Variants in PTPRD observed in about 807,000 individuals in gnomAD.
The protein encoded by PTPRD is protein tyrosine phosphatase receptor type D.
In PTPRD, 34 loss-of-function variants were observed where a neutral mutation model predicts 214.5. The ratio of observed to expected loss-of-function variants is 0.16; its 90% CI spans 0.12 to 0.21. PTPRD has a LOEUF of 0.21. Ranked by LOEUF, PTPRD falls within the 10% of genes least tolerant of loss-of-function variation. The probability of loss-of-function intolerance (pLI) is 1.00; values close to 1 mark genes in which losing one functional copy is unlikely to be tolerated. For missense variants in PTPRD, 2,545 were observed against 2,398.7 expected (o/e 1.06, Z -1.27); for synonymous variants, 1,128 against 845.7 (o/e 1.33, Z -5.79).
intron 7 of PTPRD, among the ~76,000 whole-genome samples, chr9:9,693,452 C>T (rs1197816116): frequency 6.6e-6 from 1 of 152,060 alleles, no homozygotes; most frequent in Non-Finnish European, 1.5e-5. Flanking sequence ...TAAGTTTCCT[C>T]CCCCCGCCAT....
At chr9:10,561,301 T>A (rs2063909484) in intron 2 of PTPRD, among the ~76,000 whole-genome samples, 1 of 152,174 alleles carries the variant, frequency 6.6e-6, no homozygotes, top group African/African-American at 2.4e-5. Flanking sequence ...CCTGAAGCAC[T>A]TATTTAACAA....
chr9:9,620,896 A>G (rs889858601), intron 7 of PTPRD, among the ~76,000 whole-genome samples: 1 of 151,762 alleles, frequency 6.6e-6, no homozygotes, highest in African/African-American at 2.4e-5. Flanking sequence ...AAGCATTAGT[A>G]GGCAAGGAAA....
chr9:9,964,035 C>T (rs902496017), intron 4 of PTPRD, among the ~76,000 whole-genome samples: 1 of 101,616 alleles, frequency 9.8e-6, no homozygotes, highest in Admixed American at 1.2e-4. Flanking sequence ...GAGACACAGA[C>T]AGAGCCAGAC....
chr9:9,323,514 A>G (rs1967815298), intron 9 of PTPRD, among the ~76,000 whole-genome samples: 1 of 152,166 alleles, frequency 6.6e-6, no homozygotes, highest in Non-Finnish European at 1.5e-5. Flanking sequence ...CATTTTTAAT[A>G]GTCTATTTTC....
chr9:8,920,446 C>G (rs937532248), intron 11 of PTPRD, among the ~76,000 whole-genome samples: 1 of 152,052 alleles, frequency 6.6e-6, no homozygotes, highest in Non-Finnish European at 1.5e-5. Flanking sequence ...ATAGTTTGAT[C>G]AAAATGATTA....
chr9:9,571,372 G>A (rs1024245960), intron 8 of PTPRD, among the ~76,000 whole-genome samples: 8 of 150,880 alleles, frequency 5.3e-5, no homozygotes, highest in East Asian at 1.9e-4. Context: ...TTAATGAAGC[G>A]CATATAACAG....
At chr9:8,810,285 T>C (rs887356420) in intron 11 of PTPRD, among the ~76,000 whole-genome samples, 1 of 152,200 alleles carries the variant, frequency 6.6e-6, no homozygotes, top group South Asian at 2.1e-4. Flanking sequence ...ATAAACAACA[T>C]GCCCATTTCC....
At chr9:9,455,913 T>C (rs1025481593) in intron 8 of PTPRD, among the ~76,000 whole-genome samples, 7 of 151,608 alleles carry the variant, frequency 4.6e-5, no homozygotes, top group African/African-American at 1.5e-4. Flanking sequence ...AAGCTGAAGG[T>C]TGTTCAATAA....
At chr9:8,502,701 G>T (rs1278730297) in intron 23 of PTPRD, among the ~76,000 whole-genome samples, 1 of 151,896 alleles carries the variant, frequency 6.6e-6, no homozygotes, top group African/African-American at 2.4e-5. Context: ...TTAAAAAGCT[G>T]ATTTGGTTTT....
In PTPRD at chr9:8,566,098, A is replaced by ATGTGTGTGTG. The variant is rs1491211691; in HGVS notation, c.353-37320_353-37319insCACACACACA. ...TGAAAAGATATATACTGAATGCAAA[A>ATGTGTGTGTG]TATGTGTGTGTGTGTGTGTGTGTGT... On this transcript the variant is annotated intron_variant, in intron 14 of 45. Transcript: ENST00000381196. Among the ~76,000 whole-genome samples the ATGTGTGTGTG allele has an allele frequency of 3.2e-4, 15 of 46,230 alleles. No homozygotes were observed. In the East Asian group the frequency reaches 4.2e-3, roughly 13 times the overall value. 30.3% of individuals were successfully genotyped at this position (46,230 alleles called of 152,430 possible). A position where few individuals can be genotyped will look rare whatever the true frequency, so the allele number is the denominator to read the frequency against.
intron 6 of PTPRD, among the ~76,000 whole-genome samples, chr9:9,762,725 A>C (rs2098670024): frequency 6.6e-6 from 1 of 152,222 alleles, no homozygotes; most frequent in Non-Finnish European, 1.5e-5. Context: ...TCTTTCATGC[A>C]ACTCAGAACT....
intron 4 of PTPRD, among the ~76,000 whole-genome samples, chr9:9,942,145 A>T (rs2091622777): frequency 6.6e-6 from 1 of 152,060 alleles, no homozygotes; most frequent in African/African-American, 2.4e-5. Flanking sequence ...CCTCACCAAA[A>T]CCACATTGAT....
chr9:9,059,025 G>T (rs1393948076), intron 10 of PTPRD, among the ~76,000 whole-genome samples: 1 of 152,054 alleles, frequency 6.6e-6, no homozygotes, highest in Admixed American at 6.6e-5. Context: ...AACAGGGTAG[G>T]TCTTATACTT....
rs1318116625 is a variant in PTPRD, at chr9:9,774,753, T to C, written c.-367-7902A>G. 2.0e-5 allele frequency among the ~76,000 whole-genome samples: 3 copies of C among 152,204 alleles called. No individual in the cohort carries two copies. The East Asian group carries it at 5.8e-4, about 29-fold the overall frequency. On this transcript the variant is annotated intron_variant, in intron 5 of 45. Coordinates refer to ENST00000381196, the MANE Select transcript of PTPRD (RefSeq NM_002839.4). ...AAAAAAGATTCTAAGTAAATGCTAA[T>C]CATTACAGTGTGTCATAGCCTTAAC...
intron 21 of PTPRD, among the ~76,000 whole-genome samples, chr9:8,514,170 A>G (rs1171323118): frequency 1.3e-5 from 2 of 152,082 alleles, no homozygotes; most frequent in Non-Finnish European, 2.9e-5. Flanking sequence ...TGGTCATATA[A>G]AAAAATAAAG....
At chr9:8,467,608 ATAATG>A (rs1343360573) in intron 31 of PTPRD, among the ~76,000 whole-genome samples, 1 of 151,930 alleles carries the variant, frequency 6.6e-6, no homozygotes, top group African/African-American at 2.4e-5. Context: ...TTTTTCAACT[ATAATG>A]TAATTTACTT....
At chr9:8,520,037 A>C (rs926368951) in intron 20 of PTPRD, among the ~76,000 whole-genome samples, 4 of 152,186 alleles carry the variant, frequency 2.6e-5, no homozygotes, top group Non-Finnish European at 5.9e-5. Context: ...AAATTTGTTT[A>C]AATATTCTGA....
At chr9:8,739,061 C>T (rs10465099) in intron 11 of PTPRD, among the ~76,000 whole-genome samples, 64,080 of 152,080 alleles carry the variant, frequency 0.42, 16,392 homozygotes, top group South Asian at 0.56. Context: ...GAGAAGGATC[C>T]ATTTGTACAA....
intron 9 of PTPRD, among the ~76,000 whole-genome samples, chr9:9,246,833 G>C (rs2099973271): frequency 6.6e-6 from 1 of 151,944 alleles, no homozygotes; most frequent in African/African-American, 2.4e-5. Flanking sequence ...TCCTGTTAAG[G>C]AAGGAAGAAG....
Sources: allele counts gnomAD v4.1 joint callset (sites outside exome capture counted in the v4.1 genomes callset), GRCh38; gene constraint gnomAD v4.1.1; transcripts MANE v1.5; gene names NCBI Gene and HGNC (gene_info 2026-07-23, HGNC 2026-07-21).